The following TTYH3 variants were observed in gnomAD, a reference collection of about 807,000 sequenced individuals.
TTYH3 encodes tweety family member 3.
Under a neutral mutation model 68.2 loss-of-function variants are expected in TTYH3, and 23 were observed. The observed-to-expected ratio is 0.34, with a 90% CI of 0.24 to 0.48. TTYH3 has a LOEUF of 0.48. Ranked by LOEUF, TTYH3 falls within the 20% of genes least tolerant of loss-of-function variation. The pLI is 0.99. For synonymous variants in TTYH3, 360 were observed against 332.8 expected, an observed-to-expected ratio of 1.08 and a Z score of -0.89; for missense variants, 768 against 727.7, an observed-to-expected ratio of 1.06 and a Z score of -0.64.
intron 1 of TTYH3, among the ~76,000 whole-genome samples, chr7:2,634,326 G>A (rs1417212762): frequency 6.6e-6 from 1 of 152,188 alleles, no homozygotes; most frequent in South Asian, 2.1e-4. Flanking sequence ...CCTGTGTAGG[G>A]TCACCCCTGG....
rs1786514106 is a variant in TTYH3, at chr7:2,662,101, C to A, written c.*362C>A. On this transcript the variant is annotated 3_prime_UTR_variant, in exon 14 of 14. Coordinates refer to ENST00000258796, the MANE Select transcript of TTYH3 (RefSeq NM_025250.3). ...GCCCTTCCCTCCACAGCTCTCCTTCCTCCCGCCCGGCACTTCTGTGGACCC... is the reference window on the plus strand; with the variant it reads ...GCCCTTCCCTCCACAGCTCTCCTTCATCCCGCCCGGCACTTCTGTGGACCC... The A allele has an allele frequency of 2.2e-6, 1 of 456,618 alleles. No individual in the cohort carries two copies. Among genetic ancestry groups the A allele is most frequent in the Admixed American group, 3.7e-5 (1 of 27,274 alleles). The allele number at this position is 456,618 out of a possible 1,614,324, so 28.3% of individuals were successfully genotyped here.
At chr7:2,653,156 G>A (rs1311528910) in intron 9 of TTYH3, 146 bp downstream of exon 9, 4 of 675,906 alleles carry the variant, frequency 5.9e-6, no homozygotes, top group African/African-American at 3.6e-5. Flanking sequence ...GAGGTGGCAT[G>A]GGAGGTGTTC....
In TTYH3 at chr7:2,658,365, C is replaced by T. The variant is rs1158675186; in HGVS notation, c.1330C>T (p.Pro444Ser). Residue 444 changes from proline (P) to serine (S), a missense_variant, in exon 12 of 14, where the codon CCC (proline) becomes TCC (serine). Pro to Ser is a moderately conservative substitution (Grantham distance 74). Transcript: ENST00000258796. The stretch of plus-strand genomic sequence containing the variant: ...CGACAGCCTCTACCGCGTCCACATG[C>T]CCAGCCTGTACAGCTGTGGCAGCAG... ...AHDSLYRVHMPSLYSCGSSYG... is the reference protein window; with the variant it reads ...AHDSLYRVHMSSLYSCGSSYG... 1.2e-6 allele frequency: 2 copies of T among 1,611,600 alleles called. No individual in the cohort carries two copies. Among genetic ancestry groups the T allele is most frequent in the Non-Finnish European group, 8.5e-7 (1 of 1,179,520 alleles).
intron 12 of TTYH3, 87 bp downstream of exon 12, chr7:2,658,546 G>A: frequency 6.8e-7 from 1 of 1,474,722 alleles, no homozygotes; most frequent in Non-Finnish European, 9.1e-7. Flanking sequence ...CTCGAGGCAA[G>A]GGGCTGGAGA....
intron 1 of TTYH3, among the ~76,000 whole-genome samples, chr7:2,636,565 C>T (rs929426062): frequency 6.6e-6 from 1 of 152,176 alleles, no homozygotes; most frequent in Non-Finnish European, 1.5e-5. Context: ...CCCCGGGGAG[C>T]TGGGTGGAAG....
intron 1 of TTYH3, among the ~76,000 whole-genome samples, chr7:2,637,707 C>G (rs1785717172): frequency 6.6e-6 from 1 of 152,182 alleles, no homozygotes; most frequent in South Asian, 2.1e-4. Context: ...TGGCATGTGA[C>G]AGCGGGTGGA....
intron 13 of TTYH3, among the ~76,000 whole-genome samples, 154 bp from the exon 14 acceptor site, chr7:2,661,514 G>A (rs941811004): frequency 6.6e-6 from 1 of 152,060 alleles, no homozygotes; most frequent in African/African-American, 2.4e-5. Flanking sequence ...CCCCTCCTTA[G>A]CCCCTCCCTA....
At chr7:2,650,803 C>T (rs1203543514) in intron 7 of TTYH3, among the ~76,000 whole-genome samples, 4 of 151,716 alleles carry the variant, frequency 2.6e-5, no homozygotes, top group African/African-American at 9.7e-5. Flanking sequence ...TCAAGGGTTA[C>T]AAGAGTGGGT....
intron 1 of TTYH3, among the ~76,000 whole-genome samples, chr7:2,641,041 G>A (rs1282647296): frequency 6.6e-6 from 1 of 152,234 alleles, no homozygotes; most frequent in Non-Finnish European, 1.5e-5. Context: ...TGAAGGGGAA[G>A]GCTCCAGGCC....
chr7:2,639,944 G>C (rs953668398), intron 1 of TTYH3, among the ~76,000 whole-genome samples: 5 of 152,150 alleles, frequency 3.3e-5, no homozygotes, highest in Middle Eastern at 3.2e-3. Flanking sequence ...GGGGCTCGCT[G>C]GTCTCTCCCA....
intron 1 of TTYH3, among the ~76,000 whole-genome samples, chr7:2,634,344 G>A (rs1438952889): frequency 1.3e-5 from 2 of 152,218 alleles, no homozygotes; most frequent in East Asian, 3.8e-4. Flanking sequence ...TGGGAGGCAA[G>A]GGCCAGGAGC....
At chr7:2,660,723 C>T (rs1786472988) in intron 13 of TTYH3, among the ~76,000 whole-genome samples, 1 of 152,128 alleles carries the variant, frequency 6.6e-6, no homozygotes, top group Non-Finnish European at 1.5e-5. Flanking sequence ...GAGCTCTGTG[C>T]CTCTGAGTCT....
At chr7:2,652,362 G>T (rs1437348218) in intron 8 of TTYH3, 120 bp downstream of exon 8, 2 of 861,422 alleles carry the variant, frequency 2.3e-6, no homozygotes, top group Non-Finnish European at 3.7e-6. Context: ...GGAACTGGGG[G>T]AGGGAGCTGG....
Position 2,649,441 on chromosome 7 carries a change from G to T in TTYH3, c.723-126G>T, listed in dbSNP as rs1318497101. ...TCTGGCTGAGGCCAGGCCACAGGAA[G>T]AGCCCCAGCCCATGTGTGGGCTGAC... On this transcript the variant is annotated intron_variant, in intron 5 of 13. Transcript: ENST00000258796. 3 of 913,160 alleles carry T rather than the reference G, an allele frequency of 3.3e-6. No individual in the cohort carries two copies. The African/African-American group carries it at 4.9e-5, about 15-fold the overall frequency. 56.6% of individuals were successfully genotyped at this position (913,160 alleles called of 1,614,324 possible).
chr7:2,635,633 C>T (rs1405291165), intron 1 of TTYH3, among the ~76,000 whole-genome samples: 3 of 152,154 alleles, frequency 2.0e-5, no homozygotes, highest in Admixed American at 1.3e-4. Context: ...GTTGCAAGCC[C>T]GGCTGCCGAC....
chr7:2,642,743 C>CT (rs1319325777), intron 1 of TTYH3, among the ~76,000 whole-genome samples: 2 of 143,392 alleles, frequency 1.4e-5, no homozygotes, highest in South Asian at 2.2e-4. Context: ...TAATTTTTTT[C>CT]TTTTCTTTTT....
intron 13 of TTYH3, 120 bp downstream of exon 13, chr7:2,659,135 A>C: frequency 4.2e-6 from 4 of 956,202 alleles, no homozygotes; most frequent in African/African-American, 1.7e-5. Context: ...GGCAGCTGTG[A>C]GCTGCCACCA....
chr7:2,653,198 G>GC (rs1238149834), intron 9 of TTYH3, among the ~76,000 whole-genome samples, 188 bp downstream of exon 9: 14 of 152,104 alleles, frequency 9.2e-5, no homozygotes. Flanking sequence ...TCCGCGTTAG[G>GC]CCTCATTTTT....
intron 1 of TTYH3, among the ~76,000 whole-genome samples, chr7:2,640,197 TG>T (rs1303022171): frequency 6.6e-6 from 1 of 152,210 alleles, no homozygotes; most frequent in East Asian, 1.9e-4. Context: ...TGCCTGTGGC[TG>T]GGGCTGGAGG....
Sources: gnomAD v4.1 joint callset for allele counts (sites outside exome capture counted in the v4.1 genomes callset) on GRCh38, gnomAD v4.1.1 for gene constraint, MANE v1.5 for transcripts, NCBI Gene and HGNC (gene_info 2026-07-23, HGNC 2026-07-21) for gene names.